Variants in NDUFAF2 observed in about 807,000 individuals in gnomAD.
NDUFAF2 encodes the protein NADH dehydrogenase [ubiquinone] 1 alpha subcomplex assembly factor 2.
A neutral mutation model predicts 22.8 loss-of-function variants in NDUFAF2; 13 were observed. The ratio of observed to expected loss-of-function variants is 0.57; its 90% CI spans 0.37 to 0.91. NDUFAF2 has a LOEUF of 0.91. NDUFAF2 is among the 40% of genes least tolerant of loss of function. The probability of loss-of-function intolerance (pLI) is 0.01; values close to 1 mark genes in which losing one functional copy is unlikely to be tolerated. For synonymous variants in NDUFAF2, 53 were observed against 64.2 expected (o/e 0.83, Z 0.84); for missense variants, 162 against 195.2 (o/e 0.83, Z 1.01).
chr5:61,017,525 GTGT>G (rs201504791), intron 1 of NDUFAF2, among the ~76,000 whole-genome samples: 1 of 123,182 alleles, frequency 8.1e-6, no homozygotes, highest in Admixed American at 9.1e-5. Context: ...GTTTTCAGTG[GTGT>G]GGTGGAGCCA....
chr5:61,009,167 A>T (rs913568783), intron 1 of NDUFAF2, among the ~76,000 whole-genome samples: 2 of 152,108 alleles, frequency 1.3e-5, no homozygotes, highest in Non-Finnish European at 2.9e-5. Flanking sequence ...AAAACTCTTT[A>T]ACAGCGTTTT....
intron 2 of NDUFAF2, among the ~76,000 whole-genome samples, chr5:61,090,967 G>T (rs2111755283): frequency 6.6e-6 from 1 of 152,212 alleles, no homozygotes; most frequent in Middle Eastern, 3.4e-3. Flanking sequence ...GTGTTAGTTT[G>T]CTAAGGATAA....
chr5:61,137,319 T>A (rs1740975764), intron 3 of NDUFAF2, among the ~76,000 whole-genome samples: 1 of 152,196 alleles, frequency 6.6e-6, no homozygotes, highest in South Asian at 2.1e-4. Context: ...TTTCAACACT[T>A]ACATAATATG....
intron 1 of NDUFAF2, among the ~76,000 whole-genome samples, chr5:60,966,022 A>G (rs1750754155): frequency 6.6e-6 from 1 of 151,882 alleles, no homozygotes; most frequent in Non-Finnish European, 1.5e-5. Context: ...TACATTGTCG[A>G]CAACACTTGT....
At chr5:60,958,769 T>C in intron 1 of NDUFAF2, among the ~76,000 whole-genome samples, 1 of 152,168 alleles carries the variant, frequency 6.6e-6, no homozygotes, top group Non-Finnish European at 1.5e-5. Context: ...AGACAGATGC[T>C]TAAGATATAC....
chr5:61,136,005 T>TTACATATATA (rs1740925189), intron 3 of NDUFAF2, among the ~76,000 whole-genome samples: 4 of 96,052 alleles, frequency 4.2e-5, no homozygotes, highest in African/African-American at 2.2e-4. Flanking sequence ...AAGCCTGTCT[T>TTACATATATA]TATATATATA....
rs774343066 is a variant in NDUFAF2, at chr5:61,073,214, G to A, written c.217G>A (p.Ala73Thr). ...AGGGGATATTCCAACAGAATGGGAA[G>A]GTAAGTTTCTGCTTTTAGTAGAATC... ...EAGDIPTEWEAWIRRTRKTPP... is the reference protein window; with the variant it reads ...EAGDIPTEWETWIRRTRKTPP... Residue 73 changes from alanine to threonine, a missense_variant and splice_region_variant, in exon 2 of 4, where the codon GCT becomes ACT. Physicochemically the swap from Ala to Thr is moderately conservative, Grantham distance 58. This residue lies in a region of NDUFAF2 where 94 missense variants were observed against 85.2 expected (regional missense o/e 1.10). Coordinates refer to ENST00000296597, the MANE Select transcript of NDUFAF2 (RefSeq NM_174889.5). 10 of 1,606,248 alleles carry A rather than the reference G, an allele frequency of 6.2e-6. No individual in the cohort carries two copies. The highest frequency in any genetic ancestry group is 8.5e-6 in the Non-Finnish European group (10 of 1,173,128).
intron 1 of NDUFAF2, among the ~76,000 whole-genome samples, chr5:60,985,959 C>T (rs960694275): frequency 6.6e-6 from 1 of 152,158 alleles, no homozygotes; most frequent in Non-Finnish European, 1.5e-5. Context: ...ATATCTCATT[C>T]CAGCTAAATG....
intron 3 of NDUFAF2, among the ~76,000 whole-genome samples, chr5:61,129,790 A>C (rs1254338461): frequency 6.6e-6 from 1 of 152,144 alleles, no homozygotes; most frequent in South Asian, 2.1e-4. Flanking sequence ...TTAAAGTATA[A>C]TAAAAAAGGA....
chr5:61,141,739 G>A (rs1487296425), intron 3 of NDUFAF2, among the ~76,000 whole-genome samples: 1 of 152,098 alleles, frequency 6.6e-6, no homozygotes, highest in African/African-American at 2.4e-5. Flanking sequence ...CACAGCTCCT[G>A]TTGTCCCCTG....
intron 3 of NDUFAF2, among the ~76,000 whole-genome samples, chr5:61,109,335 C>A (rs1344410197): frequency 6.6e-6 from 1 of 152,130 alleles, no homozygotes; most frequent in Non-Finnish European, 1.5e-5. Context: ...TTTATCAGTT[C>A]TAACAGTTTT....
chr5:61,128,936 C>A lies in NDUFAF2; in HGVS notation c.259-23768C>A, dbSNP rs182118740. ...GCTAGTATCCAGAATGTACAAAGAA[C>A]TCAAACAAATTTACAAGAAAAAAAC... is the stretch of plus-strand genomic sequence containing the variant. On this transcript the variant is annotated intron_variant, in intron 3 of 3. Transcript: ENST00000296597. 5.4e-3 allele frequency among the ~76,000 whole-genome samples: 822 copies of A among 152,216 alleles called. 10 individuals carry two copies. The highest frequency in any genetic ancestry group is 0.019 in the African/African-American group (793 of 41,526).
chr5:61,116,715 C>T (rs1276476118), intron 3 of NDUFAF2: 1 of 152,132 alleles, frequency 6.6e-6, no homozygotes, highest in Non-Finnish European at 1.5e-5. Flanking sequence ...CCTACAAACC[C>T]TTTCTCACAA....
At chr5:61,149,788 A>G (rs1228400817) in intron 3 of NDUFAF2, among the ~76,000 whole-genome samples, 1 of 152,224 alleles carries the variant, frequency 6.6e-6, no homozygotes, top group Non-Finnish European at 1.5e-5. Context: ...ATTGGAAGGA[A>G]AAATACTTGC....
intron 1 of NDUFAF2, among the ~76,000 whole-genome samples, chr5:61,056,919 A>AAAAATATATAT (rs1752105032): frequency 6.9e-5 from 2 of 28,798 alleles, no homozygotes; most frequent in Admixed American, 6.1e-4. Context: ...AAAAAAAAAA[A>AAAAATATATAT]ATATATATAT....
chr5:61,082,501 T>C (rs1057042836), intron 2 of NDUFAF2, among the ~76,000 whole-genome samples: 19 of 152,188 alleles, frequency 1.2e-4, no homozygotes, highest in African/African-American at 4.6e-4. Flanking sequence ...AGGTTTGGAC[T>C]TCAACTGAAC....
intron 1 of NDUFAF2, among the ~76,000 whole-genome samples, chr5:61,015,980 G>A (rs1220934278): frequency 6.6e-6 from 1 of 152,140 alleles, no homozygotes; most frequent in Non-Finnish European, 1.5e-5. Flanking sequence ...AAGGTCAAGA[G>A]ATCGAGACCA....
intron 1 of NDUFAF2, among the ~76,000 whole-genome samples, chr5:61,015,870 T>C (rs551403820): frequency 6.6e-6 from 1 of 152,282 alleles, no homozygotes; most frequent in South Asian, 2.1e-4. Flanking sequence ...CAATTAGATG[T>C]GTGGCTAACA....
intron 1 of NDUFAF2, among the ~76,000 whole-genome samples, chr5:61,025,070 G>A (rs1232596818): frequency 1.3e-5 from 2 of 151,958 alleles, no homozygotes; most frequent in African/African-American, 2.4e-5. Context: ...TCTCTTCAGC[G>A]TTCCCCTAAA....
Sources: allele counts gnomAD v4.1 joint callset (sites outside exome capture counted in the v4.1 genomes callset), GRCh38; gene constraint gnomAD v4.1.1; regional missense constraint gnomAD v4.1.1; transcripts MANE v1.5; gene names NCBI Gene and HGNC (gene_info 2026-07-23, HGNC 2026-07-21).